Variants in MYO16 observed in about 807,000 individuals in gnomAD.
The protein encoded by MYO16 is myosin XVI, also known as unconventional myosin-XVI.
In MYO16, 94 loss-of-function variants were observed where a neutral mutation model predicts 205.3. That is an observed-to-expected ratio of 0.46 (90% CI 0.39 to 0.54). The LOEUF is 0.54. MYO16 is among the 20% of genes least tolerant of loss of function. The pLI, the probability that MYO16 is intolerant of heterozygous loss-of-function variation, is 0.00. For synonymous variants in MYO16, 988 were observed against 954.0 expected (o/e 1.04, Z -0.66); for missense variants, 2,315 against 2,387.5 (o/e 0.97, Z 0.63).
chr13:108,509,520 C>G, the MYO16 span, among the ~76,000 whole-genome samples: 1 of 152,182 alleles, frequency 6.6e-6, no homozygotes, highest in African/African-American at 2.4e-5. Context: ...TAATTCCACT[C>G]TTTCCTCATA....
intron 4 of MYO16, among the ~76,000 whole-genome samples, chr13:108,773,979 C>T (rs560330916): frequency 6.6e-6 from 1 of 152,120 alleles, no homozygotes; most frequent in African/African-American, 2.4e-5. Context: ...GTAATCCAAG[C>T]CCTTGGGAGT....
the MYO16 span, among the ~76,000 whole-genome samples, chr13:108,564,261 C>A: frequency 8.6e-5 from 13 of 151,044 alleles, no homozygotes; most frequent in African/African-American, 3.2e-4. Context: ...ACCTCCATGT[C>A]CCAGGTTCAA....
chr13:108,907,111 T>C (rs1594386056), intron 15 of MYO16, among the ~76,000 whole-genome samples: 1 of 152,106 alleles, frequency 6.6e-6, no homozygotes, highest in African/African-American at 2.4e-5. Context: ...ATGGTGAGAG[T>C]GGGTGTTGGA....
At chr13:108,902,973 T>G (rs139780756) in intron 15 of MYO16, among the ~76,000 whole-genome samples, 4 of 152,314 alleles carry the variant, frequency 2.6e-5, no homozygotes, top group African/African-American at 9.6e-5. Context: ...TCTGGCTCCA[T>G]CCAGCCTGGA....
intron 24 of MYO16, among the ~76,000 whole-genome samples, chr13:109,047,675 A>G (rs1403228895): frequency 6.6e-6 from 1 of 152,096 alleles, no homozygotes; most frequent in South Asian, 2.1e-4. Context: ...CATTTTTCTA[A>G]TAACCTTTAT....
At chr13:108,930,398 T>TA (rs1882203683) in intron 16 of MYO16, among the ~76,000 whole-genome samples, 1 of 152,174 alleles carries the variant, frequency 6.6e-6, no homozygotes, top group African/African-American at 2.4e-5. Flanking sequence ...TTATTTGACT[T>TA]ACAAAGATAG....
Position 109,125,011 on chromosome 13 carries a change from TCTACAA to T in MYO16, c.3536-98_3536-93del. 7.7e-7 allele frequency: 1 copy of T among 1,293,414 alleles called. No individual in the cohort carries two copies. The highest frequency in any genetic ancestry group is 1.1e-6 in the Non-Finnish European group (1 of 931,914). 80.1% of individuals were successfully genotyped at this position (1,293,414 alleles called of 1,614,324 possible). A position where few individuals can be genotyped will look rare whatever the true frequency, so the allele number is the denominator to read the frequency against. On this transcript the variant is annotated intron_variant, in intron 29 of 34. Coordinates refer to ENST00000457511, the MANE Select transcript of MYO16 (RefSeq NM_001198950.3). The surrounding 1 kb of genome is among the most constrained non-coding windows in gnomAD (Gnocchi z 4.0). ...TTATTCTGGGTTAAATGTACCTTAT[TCTACAA>T]CTGCTCAGAGATAAGTATATTATGA...
intron 31 of MYO16, among the ~76,000 whole-genome samples, chr13:109,128,458 C>T (rs974284152): frequency 1.3e-5 from 2 of 152,108 alleles, no homozygotes; most frequent in African/African-American, 2.4e-5. Flanking sequence ...ACAGTTCCTT[C>T]AGTAAATAAA....
chr13:108,921,394 G>C (rs1269548671), intron 16 of MYO16, among the ~76,000 whole-genome samples: 1 of 152,160 alleles, frequency 6.6e-6, no homozygotes, highest in Non-Finnish European at 1.5e-5. Context: ...GTGACCATTG[G>C]TGACCATTCT....
rs370173073 is a variant in MYO16, at chr13:108,661,258, G to A, written c.29-4628G>A. Among the ~76,000 whole-genome samples the A allele has an allele frequency of 2.9e-4, 44 of 152,200 alleles. 3 individuals carry two copies. In the East Asian group the frequency reaches 3.5e-3, roughly 12 times the overall value. On this transcript the variant is annotated intron_variant, in intron 1 of 34. Coordinates refer to ENST00000457511, the MANE Select transcript of MYO16 (RefSeq NM_001198950.3). ...ACTTTAGATAACCTGATGACAATGT[G>A]CCTAGGTGATCTTTTTTGTGATGAA...
chr13:108,795,233 C>T (rs1321494322), intron 6 of MYO16, among the ~76,000 whole-genome samples: 2 of 151,252 alleles, frequency 1.3e-5, no homozygotes, highest in East Asian at 3.9e-4. Context: ...TCCCTGTCAC[C>T]CAGGCTGGAG....
rs1887390059 is a variant in MYO16 at position 109,055,557 on chromosome 13, A to G, written c.3297A>G (p.Gly1099=). ...AGATGGTGAAGATCTTCCGATATGG[A>G]TACCCTGTTCGCCTTTCCTTCTCGG... ...VLEMVKIFRY[G]YPVRLSFSDF... Residue 1099 remains glycine, a synonymous_variant, in exon 27 of 35, where the codon GGA becomes GGG. Coordinates refer to ENST00000457511, the MANE Select transcript of MYO16 (RefSeq NM_001198950.3). The surrounding 1 kb of genome is among the most constrained non-coding windows in gnomAD (Gnocchi z 5.0). 1.2e-6 allele frequency: 2 copies of G among 1,612,578 alleles called. No individual in the cohort carries two copies. The highest frequency in any genetic ancestry group is 1.7e-6 in the Non-Finnish European group (2 of 1,179,348).
chr13:109,048,398 G>A, intron 24 of MYO16: 2 of 715,032 alleles, frequency 2.8e-6, no homozygotes, highest in Non-Finnish European at 5.1e-6. Flanking sequence ...TATTTATACA[G>A]GAGGTGTCAG....
At chr13:108,832,046 TCTTG>T (rs1003603936) in intron 9 of MYO16, among the ~76,000 whole-genome samples, 1 of 152,120 alleles carries the variant, frequency 6.6e-6, no homozygotes, top group African/African-American at 2.4e-5. Context: ...TCTTGGGGTA[TCTTG>T]CTTCTTGTGC....
chr13:108,936,025 G>T (rs1326421295), intron 16 of MYO16, among the ~76,000 whole-genome samples: 1 of 151,672 alleles, frequency 6.6e-6, no homozygotes, highest in East Asian at 1.9e-4. Flanking sequence ...TATTGAATTT[G>T]TTTTGCTAGT....
chr13:108,990,845 A>G (rs1884804648), intron 20 of MYO16, among the ~76,000 whole-genome samples: 1 of 152,204 alleles, frequency 6.6e-6, no homozygotes, highest in African/African-American at 2.4e-5. Flanking sequence ...ATGGTCATTG[A>G]AGTGATGTAT....
At chr13:108,975,031 T>C (rs1884201646) in intron 20 of MYO16, among the ~76,000 whole-genome samples, 1 of 152,208 alleles carries the variant, frequency 6.6e-6, no homozygotes, top group Non-Finnish European at 1.5e-5. Flanking sequence ...CTCATAGGTT[T>C]ATTCATGTAT....
chr13:109,045,399 T>C (rs1247582489), intron 23 of MYO16, among the ~76,000 whole-genome samples: 1 of 152,208 alleles, frequency 6.6e-6, no homozygotes, highest in Admixed American at 6.5e-5. Flanking sequence ...TTGTATAAAT[T>C]GTTCACATTT....
chr13:108,925,885 T>C, intron 16 of MYO16, among the ~76,000 whole-genome samples: 1 of 152,206 alleles, frequency 6.6e-6, no homozygotes, highest in East Asian at 1.9e-4. Context: ...TCTGATCCTC[T>C]CACTGACCCC....
Sources: gnomAD v4.1 joint callset for allele counts (sites outside exome capture counted in the v4.1 genomes callset) on GRCh38, gnomAD v4.1.1 for gene constraint, Gnocchi (gnomAD v3.1) non-coding constraint, MANE v1.5 for transcripts, NCBI Gene and HGNC (gene_info 2026-07-23, HGNC 2026-07-21) for gene names.